The following TUBGCP5 variants were observed in gnomAD, a reference collection of about 807,000 sequenced individuals.
TUBGCP5 encodes the protein tubulin gamma complex component 5, also known as gamma-tubulin complex component 5.
A neutral mutation model predicts 134.7 loss-of-function variants in TUBGCP5; 98 were observed. That is an observed-to-expected ratio of 0.73 (90% CI 0.62 to 0.86). The LOEUF (loss-of-function observed/expected upper bound fraction) is 0.86, where lower values mean the gene tolerates loss of function less well. TUBGCP5 is among the 40% of genes least tolerant of loss of function. TUBGCP5 has a pLI of 0.00. For synonymous variants in TUBGCP5, 456 were observed against 431.4 expected, an observed-to-expected ratio of 1.06 and a Z score of -0.71; for missense variants, 1,150 against 1,244.8, an observed-to-expected ratio of 0.92 and a Z score of 1.15.
chr15:23,021,754 G>GCCTCA, intron 11 of TUBGCP5, among the ~76,000 whole-genome samples: 1 of 152,166 alleles, frequency 6.6e-6, no homozygotes, highest in African/African-American at 2.4e-5. Flanking sequence ...AGCTTGCCTT[G>GCCTCA]TCCTTGCCTC....
intron 6 of TUBGCP5, among the ~76,000 whole-genome samples, chr15:23,029,750 A>G (rs2066194919): frequency 1.3e-5 from 2 of 151,788 alleles, no homozygotes; most frequent in Admixed American, 1.3e-4. Flanking sequence ...TGAGTGTGGT[A>G]CACGCCTGTA....
chr15:22,999,373 C>T lies in TUBGCP5; in HGVS notation c.*447G>A, dbSNP rs547466545. The T allele has an allele frequency of 5.1e-6, 1 of 196,868 alleles. No individual in the cohort carries two copies. Among genetic ancestry groups the T allele is most frequent in the African/African-American group, 2.3e-5 (1 of 43,732 alleles). The allele number at this position is 196,868 out of a possible 1,614,324, so 12.2% of individuals were successfully genotyped here. A position where few individuals can be genotyped will look rare whatever the true frequency, so the allele number is the denominator to read the frequency against. ...CAGTATCTACTAATCTCCAGAAAAC[C>T]CACCTACAATCCATCTGTCTGGACT... On this transcript the variant is annotated 3_prime_UTR_variant, in exon 23 of 23. Coordinates refer to ENST00000615383, the MANE Select transcript of TUBGCP5 (RefSeq NM_052903.6).
At chr15:23,023,323 C>G (rs553359670) in intron 10 of TUBGCP5, 1 of 149,394 alleles carries the variant, frequency 6.7e-6, no homozygotes, top group South Asian at 2.1e-4. Context: ...GAGCGAGACT[C>G]CGTCTCAAAT....
At chr15:22,989,631 C>G (rs558227134) in intron 23 of TUBGCP5, among the ~76,000 whole-genome samples, 2 of 152,320 alleles carry the variant, frequency 1.3e-5, no homozygotes, top group East Asian at 3.9e-4. Context: ...TCCCACCTGG[C>G]CTCCCAAAGT....
downstream of TUBGCP5, among the ~76,000 whole-genome samples, chr15:22,997,932 A>G (rs531116708): frequency 2.6e-5 from 4 of 151,194 alleles, no homozygotes; most frequent in Non-Finnish European, 5.9e-5. Flanking sequence ...TTTTTTAAAG[A>G]TAGTCTCACT....
chr15:23,017,436 C>G (rs978679206), intron 13 of TUBGCP5, among the ~76,000 whole-genome samples: 1 of 151,996 alleles, frequency 6.6e-6, no homozygotes, highest in Non-Finnish European at 1.5e-5. Context: ...TGAATATGTA[C>G]AATTATTATG....
At chr15:23,030,755 A>C in intron 6 of TUBGCP5, 130 bp downstream of exon 6, 1 of 970,182 alleles carries the variant, frequency 1.0e-6, no homozygotes, top group East Asian at 2.7e-5. Context: ...TAATGGTTTT[A>C]AAAATTGGTT....
intron 5 of TUBGCP5, among the ~76,000 whole-genome samples, chr15:23,031,724 G>A (rs1470683391): frequency 2.0e-5 from 3 of 152,076 alleles, no homozygotes; most frequent in Non-Finnish European, 4.4e-5. Context: ...TCTCGAAAGT[G>A]AGCAGGAGAT....
At chr15:23,004,831 G>C in intron 19 of TUBGCP5, among the ~76,000 whole-genome samples, 1 of 152,128 alleles carries the variant, frequency 6.6e-6, no homozygotes, top group East Asian at 1.9e-4. Flanking sequence ...CTTCACCCAA[G>C]CAAGTTGGGT....
chr15:23,031,147 T>A (rs911908459), intron 5 of TUBGCP5, 127 bp from the exon 6 acceptor site: 2 of 887,808 alleles, frequency 2.3e-6, no homozygotes, highest in Non-Finnish European at 3.2e-6. Context: ...GAAAAACAAA[T>A]TTTTTTTTCC....
At chr15:23,038,157 T>C (rs1437268092) in intron 1 of TUBGCP5, among the ~76,000 whole-genome samples, 1 of 152,216 alleles carries the variant, frequency 6.6e-6, no homozygotes, top group Non-Finnish European at 1.5e-5. Flanking sequence ...CTAATGTATA[T>C]GTACATAGCA....
At chr15:22,988,453 G>A (rs1178177839) in intron 23 of TUBGCP5, among the ~76,000 whole-genome samples, 2 of 151,812 alleles carry the variant, frequency 1.3e-5, no homozygotes, top group East Asian at 3.9e-4. Context: ...GGTTTTTTTG[G>A]CCGGTTGCGG....
intron 10 of TUBGCP5, 51 bp from the exon 11 acceptor site, chr15:23,022,212 TA>T (rs2065745018): frequency 6.4e-7 from 1 of 1,573,544 alleles, no homozygotes; most frequent in Non-Finnish European, 8.7e-7. Context: ...TACATGCATC[TA>T]AAATGTGACA....
intron 14 of TUBGCP5, among the ~76,000 whole-genome samples, chr15:23,010,563 G>A (rs1022878227): frequency 1.3e-5 from 2 of 152,136 alleles, no homozygotes; most frequent in African/African-American, 4.8e-5. Flanking sequence ...CCAGGGGCCC[G>A]AGGGCACAGA....
chr15:23,022,207 G>A, intron 10 of TUBGCP5, 46 bp from the exon 11 acceptor site: 2 of 1,583,760 alleles, frequency 1.3e-6, no homozygotes, highest in South Asian at 1.1e-5. Context: ...AAAAATACAT[G>A]CATCTAAAAT....
Position 23,003,057 on chromosome 15 carries a change from A to G in TUBGCP5, c.2927+8T>C, listed in dbSNP as rs368467449. On this transcript the variant is annotated splice_region_variant and intron_variant, in intron 21 of 22. Coordinates refer to ENST00000615383, the MANE Select transcript of TUBGCP5 (RefSeq NM_052903.6). ...ACAGTGCAGATGCTGCAGAAATCAC[A>G]TACTTACCGCCAAGTGCCCAGGCCT... is the stretch of plus-strand genomic sequence containing the variant. The G allele has an allele frequency of 1.2e-5, 20 of 1,612,786 alleles. No homozygotes were observed.
At position 23,006,358 on chromosome 15, in the gene TUBGCP5, G is replaced by A. The variant is rs1395120168; in HGVS notation, c.2328-6C>T. 8 of 1,586,284 alleles carry A rather than the reference G, an allele frequency of 5.0e-6. No homozygotes were observed. Among genetic ancestry groups the A allele is most frequent in the Admixed American group, 3.9e-5 (2 of 51,356 alleles). On this transcript the variant is annotated splice_region_variant and splice_polypyrimidine_tract_variant and intron_variant, in intron 16 of 22. Transcript: ENST00000615383. ...TTTCAAAAGATATAGATAGACTAAA[G>A]AAAGAAATTCCAGTTTTAGTTTGTG...
At chr15:22,984,738 A>G (rs8029461) in intron 23 of TUBGCP5, among the ~76,000 whole-genome samples, 2,369 of 152,330 alleles carry the variant, frequency 0.016, 61 homozygotes, top group African/African-American at 0.052. Flanking sequence ...CTGGCTGTGT[A>G]TGGATCATAG....
At chr15:23,018,887 T>C (rs891029305) in intron 12 of TUBGCP5, among the ~76,000 whole-genome samples, 4 of 152,166 alleles carry the variant, frequency 2.6e-5, no homozygotes, top group Non-Finnish European at 4.4e-5. Flanking sequence ...TAATTTACAA[T>C]GGAAATAGCT....
Sources: gnomAD v4.1 joint callset for allele counts (sites outside exome capture counted in the v4.1 genomes callset) on GRCh38, gnomAD v4.1.1 for gene constraint, MANE v1.5 for transcripts, NCBI Gene and HGNC (gene_info 2026-07-23, HGNC 2026-07-21) for gene names.